HIP1: variants seen among roughly 807,000 people sequenced by gnomAD.
The protein encoded by HIP1 is huntingtin interacting protein 1.
Under a neutral mutation model 147.6 loss-of-function variants are expected in HIP1, and 65 were observed. The ratio of observed to expected loss-of-function variants is 0.44; its 90% CI spans 0.36 to 0.54. HIP1 has a LOEUF of 0.54. Among genes scored for constraint, HIP1 ranks in the 20% least tolerant of loss-of-function variants. The pLI, the probability that HIP1 is intolerant of heterozygous loss-of-function variation, is 0.00. For missense variants in HIP1, 1,061 were observed against 1,299.6 expected (o/e 0.82, Z 2.82); for synonymous variants, 479 against 504.0 (o/e 0.95, Z 0.67).
intron 1 of HIP1, among the ~76,000 whole-genome samples, chr7:75,663,973 C>T (rs1411460533): frequency 5.5e-5 from 1 of 18,268 alleles, no homozygotes; most frequent in East Asian, 1.7e-3. Flanking sequence ...TATATATATA[C>T]ACATATATGT....
chr7:75,717,149 A>G (rs1801348188), intron 1 of HIP1, among the ~76,000 whole-genome samples: 1 of 152,090 alleles, frequency 6.6e-6, no homozygotes. Context: ...GCCCTTGCCC[A>G]TGTGCAGTCT....
chr7:75,585,939 C>T lies in HIP1; in HGVS notation c.465+814G>A, dbSNP rs186467187. On this transcript the variant is annotated intron_variant, in intron 5 of 30. Transcript: ENST00000336926. ...AAGGTATCCTCCCACCTCAGCCTCC[C>T]GAGTAGCTGGGACTACAGTTGCACA... is the stretch of plus-strand genomic sequence containing the variant. 7.2e-3 allele frequency among the ~76,000 whole-genome samples: 1,089 copies of T among 152,094 alleles called. 7 individuals carry two copies. The highest frequency in any genetic ancestry group is 0.01 in the Middle Eastern group (3 of 294).
chr7:75,679,145 C>G (rs998372019), intron 1 of HIP1, among the ~76,000 whole-genome samples: 10 of 152,206 alleles, frequency 6.6e-5, no homozygotes, highest in African/African-American at 2.4e-4. Flanking sequence ...AAACACTTGT[C>G]TTCACTGACT....
intron 2 of HIP1, among the ~76,000 whole-genome samples, chr7:75,598,133 G>A (rs943303054): frequency 1.3e-5 from 2 of 151,748 alleles, no homozygotes; most frequent in African/African-American, 2.4e-5. Context: ...TCTTTTTTTC[G>A]GCCAGGCATG....
At chr7:75,616,292 CAG>C (rs1177925786) in intron 1 of HIP1, among the ~76,000 whole-genome samples, 1 of 151,858 alleles carries the variant, frequency 6.6e-6, no homozygotes, top group Admixed American at 6.6e-5. Context: ...TGTTTAGGGA[CAG>C]AGTCTTGCTC....
At chr7:75,538,433 G>C (rs1794168231) in intron 30 of HIP1, among the ~76,000 whole-genome samples, 1 of 152,138 alleles carries the variant, frequency 6.6e-6, no homozygotes, top group South Asian at 2.1e-4. Context: ...AGAGTGAACA[G>C]TCTTGGCTGT....
chr7:75,598,124 C>CT (rs587759489), intron 2 of HIP1, among the ~76,000 whole-genome samples: 1 of 152,282 alleles, frequency 6.6e-6, no homozygotes, highest in South Asian at 2.1e-4. Context: ...CTAAGACTTT[C>CT]TTTTTTTCGG....
chr7:75,586,922 A>G (rs1796312088), intron 4 of HIP1, 89 bp from the exon 5 acceptor site: 1 of 816,540 alleles, frequency 1.2e-6, no homozygotes, highest in Non-Finnish European at 2.1e-6. Context: ...TAAAGAATCT[A>G]TCTTCTTTGT....
chr7:75,658,092 T>C (rs757364), intron 1 of HIP1, among the ~76,000 whole-genome samples: 82,046 of 151,990 alleles, frequency 0.54, 23,264 homozygotes, highest in African/African-American at 0.71. Flanking sequence ...GGCTTACCAA[T>C]CTCTTCCTCA....
chr7:75,690,842 G>A (rs782335542), intron 1 of HIP1, among the ~76,000 whole-genome samples: 4 of 151,828 alleles, frequency 2.6e-5, no homozygotes, highest in African/African-American at 7.3e-5. Flanking sequence ...CAGCCTGGGC[G>A]ACAAGAGTGA....
At chr7:75,687,950 CTT>C (rs1554517740) in intron 1 of HIP1, among the ~76,000 whole-genome samples, 1 of 152,104 alleles carries the variant, frequency 6.6e-6, no homozygotes, top group Non-Finnish European at 1.5e-5. Context: ...GATTTTCTCT[CTT>C]GAGTCCTGGG....
intron 1 of HIP1, among the ~76,000 whole-genome samples, chr7:75,686,773 C>T (rs142736019): frequency 3.6e-4 from 54 of 152,084 alleles, no homozygotes; most frequent in Non-Finnish European, 6.9e-4. Flanking sequence ...GCCATCCTCC[C>T]CTCTTAGCCT....
intron 1 of HIP1, among the ~76,000 whole-genome samples, chr7:75,694,807 G>A (rs1487702817): frequency 6.6e-6 from 1 of 151,848 alleles, no homozygotes; most frequent in African/African-American, 2.4e-5. Context: ...ACCATGCCCG[G>A]CCTGGATTGC....
At chr7:75,562,235 T>G (rs1554494712) in intron 11 of HIP1, 65 bp from the exon 12 acceptor site, 1 of 1,023,284 alleles carries the variant, frequency 9.8e-7, no homozygotes, top group Non-Finnish European at 1.6e-6. Context: ...TGTGGGTCAG[T>G]TGAGTGATAT....
At chr7:75,650,887 G>T (rs541541296) in intron 1 of HIP1, among the ~76,000 whole-genome samples, 1 of 152,220 alleles carries the variant, frequency 6.6e-6, no homozygotes, top group South Asian at 2.1e-4. Context: ...CTTACAGGAA[G>T]CCAGCTTGGC....
At chr7:75,585,498 C>T (rs181665983) in intron 5 of HIP1, among the ~76,000 whole-genome samples, 7 of 151,862 alleles carry the variant, frequency 4.6e-5, no homozygotes, top group Admixed American at 2.0e-4. Context: ...AAATCCAGTT[C>T]TCACCTTTCC....
At chr7:75,698,866 T>C (rs1800722497) in intron 1 of HIP1, among the ~76,000 whole-genome samples, 1 of 151,998 alleles carries the variant, frequency 6.6e-6, no homozygotes, top group South Asian at 2.1e-4. Flanking sequence ...GAAGATAATA[T>C]TCCAATATAT....
At chr7:75,730,724 G>A (rs1268755792) in intron 1 of HIP1, among the ~76,000 whole-genome samples, 4 of 150,672 alleles carry the variant, frequency 2.7e-5, no homozygotes, top group African/African-American at 9.8e-5. Context: ...CACACAGTAT[G>A]TGGGCAGTAA....
intron 1 of HIP1, among the ~76,000 whole-genome samples, chr7:75,623,332 A>C (rs1554507500): frequency 6.6e-6 from 1 of 151,728 alleles, no homozygotes; most frequent in Non-Finnish European, 1.5e-5. Context: ...GGACAGAGAG[A>C]GAGGGCAGCC....
Sources: gnomAD v4.1 joint callset for allele counts (sites outside exome capture counted in the v4.1 genomes callset) on GRCh38, gnomAD v4.1.1 for gene constraint, MANE v1.5 for transcripts, NCBI Gene and HGNC (gene_info 2026-07-23, HGNC 2026-07-21) for gene names.